VWA3B: variants seen among roughly 807,000 people sequenced by gnomAD.
VWA3B encodes von Willebrand factor A domain-containing protein 3B.
VWA3B carries 138 observed loss-of-function variants against 158.3 expected under a neutral mutation model. The observed-to-expected ratio is 0.87, with a 90% CI of 0.76 to 1.00. The LOEUF (loss-of-function observed/expected upper bound fraction) is 1.00. Among genes scored for constraint, VWA3B ranks in the 50% least tolerant of loss-of-function variants. The pLI is 0.00. For synonymous variants in VWA3B, 596 were observed against 587.3 expected (o/e 1.01, Z -0.21); for missense variants, 1,555 against 1,565.1 (o/e 0.99, Z 0.11).
chr2:98,183,781 A>G (rs1680785861), intron 9 of VWA3B, among the ~76,000 whole-genome samples: 1 of 152,212 alleles, frequency 6.6e-6, no homozygotes. Flanking sequence ...ACTGATGATG[A>G]GATGTTGAAC....
At chr2:98,227,729 T>C (rs1378225778) in intron 14 of VWA3B, among the ~76,000 whole-genome samples, 1 of 152,154 alleles carries the variant, frequency 6.6e-6, no homozygotes, top group Non-Finnish European at 1.5e-5. Context: ...GAGTAGTTCC[T>C]GGAGAATTGA....
At chr2:98,220,191 A>G (rs1461820504) in intron 14 of VWA3B, among the ~76,000 whole-genome samples, 1 of 149,206 alleles carries the variant, frequency 6.7e-6, no homozygotes, top group Admixed American at 6.7e-5. Flanking sequence ...AAAAAAAGAT[A>G]CGAAAAAACT....
intron 14 of VWA3B, among the ~76,000 whole-genome samples, chr2:98,218,874 C>T (rs1258770035): frequency 6.6e-6 from 1 of 152,166 alleles, no homozygotes; most frequent in Non-Finnish European, 1.5e-5. Context: ...GGGAAGAGTG[C>T]TCCCACTAGT....
chr2:98,292,994 TAA>T (rs949368748), intron 23 of VWA3B, among the ~76,000 whole-genome samples: 10 of 151,718 alleles, frequency 6.6e-5, no homozygotes, highest in African/African-American at 2.4e-4. Flanking sequence ...AAGAAAATGC[TAA>T]AAGAGACTGG....
chr2:98,268,954 C>G (rs2105880511), intron 21 of VWA3B, among the ~76,000 whole-genome samples: 1 of 152,180 alleles, frequency 6.6e-6, no homozygotes, highest in African/African-American at 2.4e-5. Flanking sequence ...TTCTATGTTA[C>G]CCAGCTCTGA....
intron 7 of VWA3B, among the ~76,000 whole-genome samples, chr2:98,140,661 A>G (rs1676709706): frequency 6.6e-6 from 1 of 152,142 alleles, no homozygotes. Context: ...GACATAGATT[A>G]TTATGGGACC....
intron 16 of VWA3B, among the ~76,000 whole-genome samples, chr2:98,232,016 C>T (rs1352106893): frequency 6.6e-6 from 1 of 152,132 alleles, no homozygotes; most frequent in African/African-American, 2.4e-5. Context: ...AGTGTCCTCA[C>T]CAAGTGGGTT....
At chr2:98,123,627 C>T (rs1224807425) in intron 5 of VWA3B, among the ~76,000 whole-genome samples, 3 of 152,176 alleles carry the variant, frequency 2.0e-5, no homozygotes, top group African/African-American at 7.2e-5. Context: ...ACTGTTGTGT[C>T]TCATGAAAAG....
intron 12 of VWA3B, among the ~76,000 whole-genome samples, chr2:98,199,043 C>T (rs563594218): frequency 2.2e-3 from 338 of 151,000 alleles, no homozygotes; most frequent in African/African-American, 7.8e-3. Flanking sequence ...GCCGAGATGG[C>T]GCCACTGCAC....
chr2:98,285,718 G>C (rs1489632630), intron 22 of VWA3B, among the ~76,000 whole-genome samples: 1 of 150,304 alleles, frequency 6.7e-6, no homozygotes, highest in Non-Finnish European at 1.5e-5. Context: ...ATTTTTTGGG[G>C]GGTCATCTGT....
chr2:98,171,624 A>G (rs1433186653), intron 8 of VWA3B, among the ~76,000 whole-genome samples: 1 of 152,056 alleles, frequency 6.6e-6, no homozygotes, highest in Non-Finnish European at 1.5e-5. Flanking sequence ...TTTCATACCA[A>G]TGGCCAACTG....
chr2:98,149,955 A>G (rs921072081), intron 7 of VWA3B, among the ~76,000 whole-genome samples: 4 of 152,250 alleles, frequency 2.6e-5, no homozygotes, highest in African/African-American at 9.6e-5. Context: ...ACTCATTGGT[A>G]AGTAGATATT....
At chr2:98,226,623 A>G (rs1684931592) in intron 14 of VWA3B, among the ~76,000 whole-genome samples, 1 of 152,226 alleles carries the variant, frequency 6.6e-6, no homozygotes, top group Non-Finnish European at 1.5e-5. Flanking sequence ...TGTTAAGAAC[A>G]TAAAAAGATG....
intron 19 of VWA3B, among the ~76,000 whole-genome samples, chr2:98,247,115 A>G (rs1686449537): frequency 6.6e-6 from 1 of 151,768 alleles, no homozygotes; most frequent in African/African-American, 2.4e-5. Context: ...CTCCTGCCTC[A>G]GCCTCCCGAG....
chr2:98,116,708 G>A (rs191291306), intron 3 of VWA3B, among the ~76,000 whole-genome samples: 57 of 152,224 alleles, frequency 3.7e-4, no homozygotes, highest in African/African-American at 1.4e-3. Context: ...GTCTCGCCAT[G>A]TTGCCCAGGT....
intron 19 of VWA3B, among the ~76,000 whole-genome samples, chr2:98,248,868 TTTCTTTCTTTCTTTCTCTCTTTC>T (rs1686594519): frequency 5.7e-5 from 1 of 17,404 alleles, no homozygotes; most frequent in Non-Finnish European, 8.4e-5. Flanking sequence ...TCTTTCTTTC[TTTCTTTCTTTCTTTCTCTCTTTC>T]CTTTCTTTCT....
chr2:98,243,572 G>GATCC (rs1315146291), intron 19 of VWA3B, among the ~76,000 whole-genome samples: 18 of 152,072 alleles, frequency 1.2e-4, no homozygotes, highest in Admixed American at 6.5e-5. Context: ...TTGACCTTGT[G>GATCC]ATCCACCTGC....
At chr2:98,206,279 G>A (rs1171147451) in intron 12 of VWA3B, 2 of 157,420 alleles carry the variant, frequency 1.3e-5, no homozygotes, top group Non-Finnish European at 2.8e-5. Context: ...CAATCTACCA[G>A]GAAATATGGG....
At chr2:98,321,812 A>G in the VWA3B span, among the ~76,000 whole-genome samples, 1 of 152,186 alleles carries the variant, frequency 6.6e-6, no homozygotes, top group African/African-American at 2.4e-5. Context: ...ATGTAAAGAC[A>G]TGAGATTTGG....
Sources: gnomAD v4.1 joint callset for allele counts (sites outside exome capture counted in the v4.1 genomes callset) on GRCh38, gnomAD v4.1.1 for gene constraint, MANE v1.5 for transcripts, NCBI Gene and HGNC (gene_info 2026-07-23, HGNC 2026-07-21) for gene names.